The following SCN9A variants were observed in gnomAD, a reference collection of about 807,000 sequenced individuals.
SCN9A encodes the protein sodium voltage-gated channel alpha subunit 9.
Under a neutral mutation model 187.0 loss-of-function variants are expected in SCN9A, and 131 were observed. The observed-to-expected ratio is 0.70, with a 90% CI of 0.61 to 0.81. The LOEUF (loss-of-function observed/expected upper bound fraction) is 0.81. Ranked by LOEUF, SCN9A falls within the 30% of genes least tolerant of loss-of-function variation. SCN9A has a pLI of 0.00. For missense variants in SCN9A, 2,252 were observed against 2,396.6 expected (o/e 0.94, Z 1.26); for synonymous variants, 809 against 808.6 (o/e 1.00, Z -0.01).
intron 7 of SCN9A, among the ~76,000 whole-genome samples, chr2:166,295,178 G>A (rs1698243418): frequency 6.6e-6 from 1 of 152,170 alleles, no homozygotes; most frequent in Admixed American, 6.6e-5. Flanking sequence ...CAGAGATGAA[G>A]TTGGTGTGTG....
chr2:166,243,570 A>C (rs907707696), intron 18 of SCN9A, among the ~76,000 whole-genome samples: 1 of 151,912 alleles, frequency 6.6e-6, no homozygotes. Context: ...AATATCAGTA[A>C]AAAAGAGTTT....
intron 21 of SCN9A, among the ~76,000 whole-genome samples, chr2:166,231,743 G>C (rs1040070657): frequency 1.3e-5 from 2 of 151,572 alleles, no homozygotes; most frequent in Non-Finnish European, 2.9e-5. Flanking sequence ...AGTAGAGATG[G>C]GGTTTCACCA....
At position 166,226,609 on chromosome 2, in the gene SCN9A, G is replaced by A. The variant is rs201145311; in HGVS notation, c.4356C>T (p.Phe1452=). Residue 1452 remains phenylalanine (F), a synonymous_variant, in exon 24 of 27, where the codon TTC becomes TTT. Transcript: ENST00000642356. ...TGAAATTATCTATGATGACACCAAT[G>A]AACAAGTTCAAAGTGAAGAATGACC... ...IFGSFFTLNL[F]IGVIIDNFNQ... is the part of the protein sequence containing the mutation. 704 of 1,585,076 alleles carry A rather than the reference G, an allele frequency of 4.4e-4. 6 individuals are homozygous for A. In the African/African-American group the frequency reaches 8.2e-3, roughly 18 times the overall value.
At chr2:166,342,157 A>G (rs1370469726) in intron 1 of SCN9A, among the ~76,000 whole-genome samples, 1 of 152,240 alleles carries the variant, frequency 6.6e-6, no homozygotes, top group Non-Finnish European at 1.5e-5. Context: ...AAAGCGCACA[A>G]ACACATCAGC....
chr2:166,368,958 G>C (rs941335291), intron 1 of SCN9A, among the ~76,000 whole-genome samples: 3 of 151,160 alleles, frequency 2.0e-5, no homozygotes, highest in African/African-American at 7.3e-5. Context: ...TTGCACTCCA[G>C]CCTGGGCAAC....
intron 24 of SCN9A, among the ~76,000 whole-genome samples, chr2:166,225,209 T>C (rs1201724669): frequency 6.6e-6 from 1 of 152,152 alleles, no homozygotes; most frequent in African/African-American, 2.4e-5. Flanking sequence ...ATTCATTTGC[T>C]CATTCATTTC....
intron 1 of SCN9A, among the ~76,000 whole-genome samples, chr2:166,344,579 T>C (rs575492002): frequency 6.6e-6 from 1 of 152,338 alleles, no homozygotes; most frequent in South Asian, 2.1e-4. Context: ...ATCATTATAC[T>C]AGCAATTCAT....
At chr2:166,276,895 A>T in intron 16 of SCN9A, 88 bp downstream of exon 16, 1 of 937,204 alleles carries the variant, frequency 1.1e-6, no homozygotes, top group Non-Finnish European at 1.5e-6. Flanking sequence ...AGATATAATT[A>T]ATTATAAAAT....
chr2:166,204,502 A>C, intron 24 of SCN9A, 38 bp from the exon 25 acceptor site: 3 of 1,306,048 alleles, frequency 2.3e-6, no homozygotes, highest in Non-Finnish European at 3.2e-6. Context: ...AGTTAAAACC[A>C]GAATCATTGT....
intron 4 of SCN9A, 146 bp from the exon 5 acceptor site, chr2:166,306,066 C>A: frequency 2.5e-6 from 2 of 810,530 alleles, no homozygotes. Context: ...TATTAAACTA[C>A]AATAGGTCTA....
rs1698694509 is a variant in SCN9A at position 166,304,670 on chromosome 2, C to T, written c.597-341G>A. Among the ~76,000 whole-genome samples the T allele has an allele frequency of 2.6e-5, 4 of 151,890 alleles. 1 individual carries two copies. In the South Asian group the frequency reaches 8.3e-4, roughly 32 times the overall value. ...TATGCTAAGTGTCAGACACAAAAGG[C>T]TGCATACTGTTTGATATTTCCATTC... is the stretch of plus-strand genomic sequence containing the variant. On this transcript the variant is annotated intron_variant, in intron 5 of 26. Coordinates refer to ENST00000642356, the MANE Select transcript of SCN9A (RefSeq NM_001365536.1).
intron 17 of SCN9A, among the ~76,000 whole-genome samples, chr2:166,255,627 T>C (rs769074944): frequency 5.3e-5 from 8 of 151,424 alleles, no homozygotes; most frequent in Non-Finnish European, 1.0e-4. Flanking sequence ...GAATGATTGA[T>C]GCTGAAAAGA....
rs576247584 is a variant in SCN9A at position 166,223,878 on chromosome 2, AT to A, written c.4398+2688del. Among the ~76,000 whole-genome samples the A allele has an allele frequency of 1.1e-3, 168 of 152,296 alleles. 1 individual carries two copies. Among genetic ancestry groups the A allele is most frequent in the Non-Finnish European group, 2.0e-3 (139 of 68,010 alleles). On this transcript the variant is annotated intron_variant, in intron 24 of 26. Transcript: ENST00000642356. ...GTGTTAACTAATTGAAGTGTTGGTC[AT>A]GTTTTTTCAGGGAAGAGTGGAAAGA...
rs1338705653 is a variant in SCN9A, at chr2:166,238,248, A to G, written c.3647T>C (p.Ile1216Thr). ...SGALAFEDIY[I>T]ERKKTIKIIL... ...AATCTTAATGGTCTTTTTCCTTTCA[A>G]TATAAATATCTTCAAAAGCCTGTGG... The change falls in exon 20 of 27, where the codon ATT becomes ACT. Residue 1216 changes from isoleucine to threonine, a missense_variant. Ile to Thr is a moderately conservative substitution (Grantham distance 89). Around this residue, in one of 7 missense-constraint regions of SCN9A, gnomAD observed 313 missense variants for 295.3 expected, o/e 1.06. Transcript: ENST00000642356. 2.5e-6 allele frequency: 4 copies of G among 1,576,376 alleles called. No homozygotes were observed. The highest frequency in any genetic ancestry group is 3.4e-6 in the Non-Finnish European group (4 of 1,161,742).
chr2:166,367,612 C>G (rs1327070414), intron 1 of SCN9A, among the ~76,000 whole-genome samples: 1 of 152,114 alleles, frequency 6.6e-6, no homozygotes, highest in African/African-American at 2.4e-5. Flanking sequence ...CACCATTCCT[C>G]TTTTTTCAAA....
intron 1 of SCN9A, among the ~76,000 whole-genome samples, chr2:166,320,431 T>C (rs1357380893): frequency 3.3e-5 from 5 of 152,164 alleles, no homozygotes; most frequent in Admixed American, 2.0e-4. Context: ...ATACATTATT[T>C]TGATCTCTTT....
chr2:166,295,652 G>A (rs888098626), intron 7 of SCN9A, among the ~76,000 whole-genome samples: 14 of 152,104 alleles, frequency 9.2e-5, no homozygotes, highest in Admixed American at 5.9e-4. Flanking sequence ...ATCCTTATGT[G>A]GTACAATACT....
Position 166,204,376 on chromosome 2 carries a change from G to T in SCN9A, c.4487C>A (p.Pro1496Gln). 6.2e-7 allele frequency: 1 copy of T among 1,608,204 alleles called. No individual in the cohort carries two copies. The highest frequency in any genetic ancestry group is 8.5e-7 in the Non-Finnish European group (1 of 1,176,708). ...TTTTTTTACCCCTGGTCGAGGAATT[G>T]GCTTTTGTGGCTTCTTGGACCCCAG... Reference protein sequence around the residue: ...KKLGSKKPQKPIPRPGNKIQG... With the variant: ...KKLGSKKPQKQIPRPGNKIQG... Residue 1496 changes from proline to glutamine, a missense_variant, in exon 25 of 27, where the codon CCA (proline) becomes CAA (glutamine). By Grantham distance (76) the Pro-to-Gln change is moderately conservative (BLOSUM62 -1). Around this residue, in one of 7 missense-constraint regions of SCN9A, gnomAD observed 368 missense variants for 408.6 expected, o/e 0.90. Coordinates refer to ENST00000642356, the MANE Select transcript of SCN9A (RefSeq NM_001365536.1).
chr2:166,234,036 T>C (rs1207066082), intron 20 of SCN9A, among the ~76,000 whole-genome samples: 1 of 152,138 alleles, frequency 6.6e-6, no homozygotes, highest in Non-Finnish European at 1.5e-5. Flanking sequence ...AAATCACAAT[T>C]GTACTGAAGA....
Sources: gnomAD v4.1 joint callset for allele counts (sites outside exome capture counted in the v4.1 genomes callset) on GRCh38, gnomAD v4.1.1 for gene constraint, gnomAD v4.1.1 regional missense constraint, MANE v1.5 for transcripts, NCBI Gene and HGNC (gene_info 2026-07-23, HGNC 2026-07-21) for gene names.